GMDS: variants seen among roughly 807,000 people sequenced by gnomAD.
The protein encoded by GMDS is GDP-mannose 4,6 dehydratase.
In GMDS, 20 loss-of-function variants were observed where a neutral mutation model predicts 49.9. The observed-to-expected ratio is 0.40, with a 90% CI of 0.28 to 0.58. The LOEUF (loss-of-function observed/expected upper bound fraction) is 0.58. GMDS is among the 20% of genes least tolerant of loss of function. GMDS has a pLI of 0.42. For missense variants in GMDS, 362 were observed against 481.4 expected (o/e 0.75, Z 2.32); for synonymous variants, 177 against 178.6 (o/e 0.99, Z 0.07).
chr6:2,156,801 T>C (rs1777135597), intron 1 of GMDS, among the ~76,000 whole-genome samples: 2 of 152,206 alleles, frequency 1.3e-5, no homozygotes, highest in Admixed American at 1.3e-4. Context: ...ACATCTATTT[T>C]CTTTACATAT....
intron 7 of GMDS, among the ~76,000 whole-genome samples, chr6:1,818,872 C>T (rs925154535): frequency 3.3e-5 from 5 of 152,056 alleles, no homozygotes; most frequent in East Asian, 1.9e-4. Flanking sequence ...TTTGTTACTT[C>T]GCTTCTCTTT....
intron 1 of GMDS, among the ~76,000 whole-genome samples, chr6:2,224,660 G>A (rs1275294255): frequency 6.6e-6 from 1 of 152,080 alleles, no homozygotes; most frequent in Non-Finnish European, 1.5e-5. Flanking sequence ...CATAAGTATA[G>A]CATTTGTTAA....
intron 9 of GMDS, among the ~76,000 whole-genome samples, chr6:1,675,408 T>C (rs530886308): frequency 6.6e-6 from 1 of 152,256 alleles, no homozygotes; most frequent in East Asian, 1.9e-4. Flanking sequence ...TATTTCTTCC[T>C]TCCCAAATCT....
At chr6:1,677,850 A>G (rs1380248343) in intron 9 of GMDS, among the ~76,000 whole-genome samples, 1 of 151,524 alleles carries the variant, frequency 6.6e-6, no homozygotes, top group African/African-American at 2.4e-5. Context: ...AATGTAAATG[A>G]CGCGTTAATG....
chr6:1,990,997 G>A (rs1438314924), intron 4 of GMDS, among the ~76,000 whole-genome samples: 3 of 152,240 alleles, frequency 2.0e-5, no homozygotes, highest in East Asian at 1.9e-4. Context: ...ATATTAGTCA[G>A]TATAGTGTTC....
intron 1 of GMDS, among the ~76,000 whole-genome samples, chr6:2,152,415 G>C (rs1776888458): frequency 6.6e-6 from 1 of 152,026 alleles, no homozygotes; most frequent in East Asian, 1.9e-4. Flanking sequence ...TTATTAACTG[G>C]CTACAAAATT....
chr6:1,643,589 G>A (rs1005887459), intron 9 of GMDS, among the ~76,000 whole-genome samples: 2 of 152,096 alleles, frequency 1.3e-5, no homozygotes, highest in East Asian at 1.9e-4. Flanking sequence ...TGGGGACAGC[G>A]GAAGTTCAGA....
In GMDS at chr6:2,010,977, T is replaced by A. The variant is rs190150809; in HGVS notation, c.346-50011A>T. 4.0e-3 allele frequency among the ~76,000 whole-genome samples: 614 copies of A among 152,102 alleles called. 8 individuals are homozygous for A. Among genetic ancestry groups the A allele is most frequent in the African/African-American group, 0.014 (580 of 41,490 alleles). On this transcript the variant is annotated intron_variant, in intron 4 of 10. Coordinates refer to ENST00000380815, the MANE Select transcript of GMDS (RefSeq NM_001500.4). Reference sequence around the variant, plus strand: ...TACAAAATCTAGAGAAATTATTTTTTAAAAAATCAAACAGGTATAAACAAA... The same window carrying A: ...TACAAAATCTAGAGAAATTATTTTTAAAAAAATCAAACAGGTATAAACAAA...
chr6:1,910,933 G>A (rs1761021045), intron 7 of GMDS, among the ~76,000 whole-genome samples: 1 of 152,234 alleles, frequency 6.6e-6, no homozygotes, highest in African/African-American at 2.4e-5. Flanking sequence ...AAAATCTCTG[G>A]AAGCTCTGGA....
At chr6:2,156,094 T>C (rs1164138779) in intron 1 of GMDS, among the ~76,000 whole-genome samples, 3 of 152,172 alleles carry the variant, frequency 2.0e-5, no homozygotes, top group Admixed American at 1.3e-4. Context: ...AAAATCTAAA[T>C]AGATGGATAA....
chr6:2,233,732 C>A (rs1427984010), intron 1 of GMDS, among the ~76,000 whole-genome samples: 1 of 152,162 alleles, frequency 6.6e-6, no homozygotes, highest in Non-Finnish European at 1.5e-5. Flanking sequence ...AGGGATGAGA[C>A]TCTCTTGATC....
chr6:2,126,838 T>C (rs1230538090), intron 1 of GMDS, among the ~76,000 whole-genome samples: 2 of 152,152 alleles, frequency 1.3e-5, no homozygotes, highest in African/African-American at 2.4e-5. Flanking sequence ...TTCACCATGT[T>C]GGCCAGGCTG....
At chr6:1,876,558 C>A (rs1455044562) in intron 7 of GMDS, among the ~76,000 whole-genome samples, 1 of 152,094 alleles carries the variant, frequency 6.6e-6, no homozygotes. Context: ...AGGGTTCATG[C>A]CTAGCTCTTA....
At chr6:1,782,825 G>C (rs572980683) in intron 7 of GMDS, among the ~76,000 whole-genome samples, 5 of 152,188 alleles carry the variant, frequency 3.3e-5, no homozygotes, top group African/African-American at 1.2e-4. Flanking sequence ...TCAGAATAAC[G>C]TTGTAAAGGA....
At chr6:1,978,386 G>A (rs920821980) in intron 4 of GMDS, among the ~76,000 whole-genome samples, 1 of 152,198 alleles carries the variant, frequency 6.6e-6, no homozygotes, top group Non-Finnish European at 1.5e-5. Context: ...CACCACCTGG[G>A]TTGGTTGGAT....
intron 9 of GMDS, among the ~76,000 whole-genome samples, chr6:1,630,866 T>G (rs1762979517): frequency 6.6e-6 from 1 of 152,090 alleles, no homozygotes. Flanking sequence ...ATCTCCACTC[T>G]GACGAGCTGA....
chr6:1,880,411 C>T (rs1336704859), intron 7 of GMDS, among the ~76,000 whole-genome samples: 1 of 151,700 alleles, frequency 6.6e-6, no homozygotes, highest in Non-Finnish European at 1.5e-5. Context: ...AGGCCCTGAT[C>T]GTGCCACTGA....
intron 7 of GMDS, among the ~76,000 whole-genome samples, chr6:1,846,080 C>CTTTTTTTTTTTTTTTTTTTTTTT (rs11298909): frequency 8.2e-6 from 1 of 121,650 alleles, no homozygotes; most frequent in Non-Finnish European, 1.8e-5. Flanking sequence ...CACCATGTTT[C>CTTTTTTTTTTTTTTTTTTTTTTT]TTTTTTTTTT....
chr6:2,093,791 GA>G (rs530092181), intron 4 of GMDS, among the ~76,000 whole-genome samples: 34 of 150,368 alleles, frequency 2.3e-4, no homozygotes, highest in South Asian at 1.7e-3. Context: ...AAAAAAAAAA[GA>G]AAAAAACATA....
Sources: allele counts gnomAD v4.1 joint callset (sites outside exome capture counted in the v4.1 genomes callset), GRCh38; gene constraint gnomAD v4.1.1; transcripts MANE v1.5; gene names NCBI Gene and HGNC (gene_info 2026-07-23, HGNC 2026-07-21).